Variants in WWC1 observed in about 807,000 individuals in gnomAD.
The protein encoded by WWC1 is protein KIBRA.
In WWC1, 55 loss-of-function variants were observed where a neutral mutation model predicts 138.4. The observed-to-expected ratio is 0.40, with a 90% confidence interval of 0.32 to 0.50. The LOEUF is 0.50. Ranked by LOEUF, WWC1 falls within the 20% of genes least tolerant of loss-of-function variation. The pLI is 0.72. For synonymous variants in WWC1, 524 were observed against 564.9 expected, an observed-to-expected ratio of 0.93 and a Z score of 1.03; for missense variants, 1,226 against 1,420.4, an observed-to-expected ratio of 0.86 and a Z score of 2.20.
chr5:168,301,927 C>T (rs966681420), intron 1 of WWC1, among the ~76,000 whole-genome samples: 5 of 152,178 alleles, frequency 3.3e-5, no homozygotes, highest in African/African-American at 9.7e-5. Flanking sequence ...GACATTAGAG[C>T]TCGCAAACCA....
chr5:168,375,671 T>A (rs1323437235), intron 2 of WWC1, among the ~76,000 whole-genome samples: 1 of 151,710 alleles, frequency 6.6e-6, no homozygotes, highest in African/African-American at 2.4e-5. Context: ...ACCTTCCGGG[T>A]TCAAGCAATT....
At chr5:168,311,992 T>C (rs1771137759) in intron 1 of WWC1, among the ~76,000 whole-genome samples, 2 of 151,600 alleles carry the variant, frequency 1.3e-5, no homozygotes, top group South Asian at 4.2e-4. Flanking sequence ...GAGGTTGCAG[T>C]GAGCTGAGAT....
chr5:168,292,352 G>A lies in WWC1; in HGVS notation c.119+81G>A. On this transcript the variant is annotated intron_variant, in intron 1 of 22. Transcript: ENST00000265293. The surrounding 1 kb of genome is among the most constrained non-coding windows in gnomAD (Gnocchi z 4.4). ...GCCCCTGGAGCCGCCGGCCGGGACT[G>A]GGAGGGGGCAGGGGAGCTCTGCGTG... 6.7e-7 allele frequency: 1 copy of A among 1,499,944 alleles called. No homozygotes were observed. Among genetic ancestry groups the A allele is most frequent in the Non-Finnish European group, 9.0e-7 (1 of 1,112,380 alleles). 92.9% of individuals were successfully genotyped at this position (1,499,944 alleles called of 1,614,324 possible).
intron 2 of WWC1, among the ~76,000 whole-genome samples, chr5:168,377,054 A>G (rs1331339557): frequency 6.6e-6 from 1 of 152,238 alleles, no homozygotes. Context: ...CAGTATCCAA[A>G]ACAGCATGAT....
chr5:168,323,298 C>T (rs1772269568), intron 1 of WWC1, among the ~76,000 whole-genome samples: 1 of 152,276 alleles, frequency 6.6e-6, no homozygotes, highest in African/African-American at 2.4e-5. Flanking sequence ...GTAACCCCAA[C>T]ACTTTGGAAG....
At chr5:168,360,811 C>T (rs1426528108) in intron 1 of WWC1, among the ~76,000 whole-genome samples, 2 of 152,236 alleles carry the variant, frequency 1.3e-5, no homozygotes, top group African/African-American at 4.8e-5. Context: ...GAAGGACCAG[C>T]TCCTCAAGCT....
intron 14 of WWC1, among the ~76,000 whole-genome samples, chr5:168,430,578 TTTATC>T (rs1354504316): frequency 6.6e-6 from 1 of 152,204 alleles, no homozygotes; most frequent in Non-Finnish European, 1.5e-5. Flanking sequence ...CACAGTCTGT[TTTATC>T]TTCTCCTAAG....
At chr5:168,408,028 A>T (rs866006522) in intron 6 of WWC1, among the ~76,000 whole-genome samples, 8 of 117,422 alleles carry the variant, frequency 6.8e-5, no homozygotes, top group South Asian at 3.1e-4. Flanking sequence ...ACATCCAGCT[A>T]TTTTTTTTTT....
At chr5:168,345,530 C>G (rs559021694) in intron 1 of WWC1, among the ~76,000 whole-genome samples, 1 of 152,314 alleles carries the variant, frequency 6.6e-6, no homozygotes, top group South Asian at 2.1e-4. Flanking sequence ...ATGACATTCA[C>G]AAACTTCATG....
chr5:168,382,756 G>A (rs549233717), intron 2 of WWC1, among the ~76,000 whole-genome samples: 1 of 152,276 alleles, frequency 6.6e-6, no homozygotes, highest in African/African-American at 2.4e-5. Context: ...GGTTTGAAGG[G>A]ATGGAAAGCT....
chr5:168,422,347 G>A (rs1016686943), intron 10 of WWC1, among the ~76,000 whole-genome samples: 18 of 152,196 alleles, frequency 1.2e-4, no homozygotes, highest in African/African-American at 4.3e-4. Flanking sequence ...TAAGAGACTC[G>A]GCTGGGTGTC....
chr5:168,431,493 G>A (rs1251433173), intron 15 of WWC1, 49 bp downstream of exon 15: 7 of 1,530,010 alleles, frequency 4.6e-6, no homozygotes, highest in Admixed American at 1.8e-5. Context: ...TGGCTGGCTG[G>A]CTGGCTGGCT....
At chr5:168,313,034 C>G (rs1170036459) in intron 1 of WWC1, among the ~76,000 whole-genome samples, 1 of 151,854 alleles carries the variant, frequency 6.6e-6, no homozygotes, top group Non-Finnish European at 1.5e-5. Flanking sequence ...TCTCGAAGTC[C>G]TGACCTCAAG....
rs776384154 is a variant in WWC1 at position 168,441,771 on chromosome 5, G to A, written c.2370G>A (p.Lys790=). The A allele has an allele frequency of 6.8e-6, 11 of 1,614,194 alleles. No individual in the cohort carries two copies. In the Admixed American group the frequency reaches 1.3e-4, roughly 20 times the overall value. Residue 790 remains lysine (K), a synonymous_variant, in exon 16 of 23, where the codon AAG becomes AAA. Coordinates refer to ENST00000265293, the MANE Select transcript of WWC1 (RefSeq NM_015238.3). ...WYNLLSYKYL[K]KQSRELKPVG... ...ACCTTCTCAGCTACAAATACTTGAA[G>A]AAACAGAGCAGGGAGCTCAAGCCAG...
intron 2 of WWC1, among the ~76,000 whole-genome samples, chr5:168,372,740 G>A (rs900341717): frequency 2.0e-5 from 3 of 152,170 alleles, no homozygotes; most frequent in Non-Finnish European, 4.4e-5. Context: ...TTCCTCTTCT[G>A]GGTTTCAGTA....
In WWC1 at chr5:168,315,911, G is replaced by A. The variant is rs541823481; in HGVS notation, c.119+23640G>A. 2.1e-3 allele frequency among the ~76,000 whole-genome samples: 321 copies of A among 152,248 alleles called. 1 individual carries two copies. The highest frequency in any genetic ancestry group is 7.3e-3 in the African/African-American group (305 of 41,554). ...GCACAGCCCACCTGTTTGGGACTGC[G>A]GTGTCCCTGGTGTAAGCTCAGATCC... is the stretch of plus-strand genomic sequence containing the variant. On this transcript the variant is annotated intron_variant, in intron 1 of 22. Transcript: ENST00000265293.
chr5:168,383,077 G>C (rs1777768003), intron 2 of WWC1, among the ~76,000 whole-genome samples: 1 of 151,782 alleles, frequency 6.6e-6, no homozygotes, highest in Admixed American at 6.6e-5. Flanking sequence ...TTGGGAGGCT[G>C]AGGCAGGGAT....
intron 1 of WWC1, among the ~76,000 whole-genome samples, chr5:168,351,884 C>G (rs570263135): frequency 1.3e-5 from 2 of 152,236 alleles, no homozygotes; most frequent in African/African-American, 4.8e-5. Context: ...GGGTGTCTGC[C>G]TAGGGACTGG....
intron 1 of WWC1, among the ~76,000 whole-genome samples, chr5:168,366,472 T>A (rs1776298565): frequency 6.6e-6 from 1 of 152,166 alleles, no homozygotes; most frequent in Non-Finnish European, 1.5e-5. Context: ...CCAAAGTGTT[T>A]CTCTCTCCTT....
Sources: gnomAD v4.1 joint callset for allele counts (sites outside exome capture counted in the v4.1 genomes callset) on GRCh38, gnomAD v4.1.1 for gene constraint, Gnocchi (gnomAD v3.1) non-coding constraint, MANE v1.5 for transcripts, NCBI Gene and HGNC (gene_info 2026-07-23, HGNC 2026-07-21) for gene names.